PAWR: variants seen among roughly 807,000 people sequenced by gnomAD.
PAWR encodes the protein pro-apoptotic WT1 regulator.
In PAWR, 23 loss-of-function variants were observed where a neutral mutation model predicts 32.0. The ratio of observed to expected loss-of-function variants is 0.72; its 90% confidence interval spans 0.52 to 1.02. The LOEUF (loss-of-function observed/expected upper bound fraction) is 1.02, where lower values mean the gene tolerates loss of function less well. Among genes scored for constraint, PAWR ranks in the 50% least tolerant of loss-of-function variants. The pLI is 0.00. For synonymous variants in PAWR, 226 were observed against 187.1 expected (o/e 1.21, Z -1.70); for missense variants, 457 against 437.7 (o/e 1.04, Z -0.39).
intron 2 of PAWR, among the ~76,000 whole-genome samples, chr12:79,644,653 TTTTTA>T (rs1284221883): frequency 6.6e-6 from 1 of 152,070 alleles, no homozygotes; most frequent in Non-Finnish European, 1.5e-5. Flanking sequence ...GCTTCCTGCT[TTTTTA>T]TTTTGTTAGC....
At chr12:79,653,041 A>T (rs375698394) in intron 2 of PAWR, among the ~76,000 whole-genome samples, 1 of 152,010 alleles carries the variant, frequency 6.6e-6, no homozygotes, top group African/African-American at 2.4e-5. Context: ...TTGTTTTTTT[A>T]TTTGTTTGTT....
chr12:79,644,042 A>C (rs1025918589), intron 2 of PAWR, among the ~76,000 whole-genome samples: 2 of 152,158 alleles, frequency 1.3e-5, no homozygotes, highest in Non-Finnish European at 2.9e-5. Context: ...ATCAAACATT[A>C]ACATACATCA....
At chr12:79,614,549 G>A (rs940104266) in intron 3 of PAWR, among the ~76,000 whole-genome samples, 6 of 152,156 alleles carry the variant, frequency 3.9e-5, no homozygotes, top group African/African-American at 1.4e-4. Flanking sequence ...CAAATAACTA[G>A]GCAGTCATGT....
chr12:79,683,317 A>G (rs1565706366), intron 2 of PAWR, among the ~76,000 whole-genome samples: 1 of 152,206 alleles, frequency 6.6e-6, no homozygotes, highest in Admixed American at 6.5e-5. Flanking sequence ...ATTTTATTTA[A>G]TTCATGTAAC....
chr12:79,660,822 GAT>G (rs1249947921), intron 2 of PAWR, among the ~76,000 whole-genome samples: 9 of 151,730 alleles, frequency 5.9e-5, no homozygotes, highest in African/African-American at 2.2e-4. Context: ...GAACTGAGCT[GAT>G]CCACCTGCCT....
chr12:79,606,642 C>A (rs1418791516), intron 4 of PAWR, among the ~76,000 whole-genome samples: 1 of 152,140 alleles, frequency 6.6e-6, no homozygotes, highest in Non-Finnish European at 1.5e-5. Context: ...CGAAAAAAAT[C>A]TAGTTACTGG....
At chr12:79,613,657 A>G in intron 3 of PAWR, 48 bp from the exon 4 acceptor site, 1 of 971,204 alleles carries the variant, frequency 1.0e-6, no homozygotes, top group Non-Finnish European at 1.6e-6. Context: ...GTATGTACAC[A>G]ATTACTTATT....
intron 2 of PAWR, among the ~76,000 whole-genome samples, chr12:79,627,711 A>C (rs930558056): frequency 2.6e-5 from 4 of 152,194 alleles, no homozygotes; most frequent in African/African-American, 2.4e-5. Flanking sequence ...GAGACAAAGA[A>C]GGCCAATACA....
At chr12:79,689,391 G>A (rs1878849518) in intron 2 of PAWR, among the ~76,000 whole-genome samples, 1 of 152,098 alleles carries the variant, frequency 6.6e-6, no homozygotes, top group Admixed American at 6.5e-5. Flanking sequence ...AACTGATCAA[G>A]CATAAACAGC....
intron 2 of PAWR, among the ~76,000 whole-genome samples, chr12:79,622,985 C>T (rs1486317189): frequency 6.6e-6 from 1 of 152,118 alleles, no homozygotes; most frequent in African/African-American, 2.4e-5. Flanking sequence ...CTTCTCACTC[C>T]ATAGCTTGGA....
chr12:79,690,959 G>C lies in PAWR; in HGVS notation c.-235C>G, dbSNP rs1276787523. On this transcript the variant is annotated 5_prime_UTR_variant, in exon 1 of 7. Transcript: ENST00000328827. The stretch of plus-strand genomic sequence containing the variant: ...CTGGCGCGCGCTCTTCCGCCGCGCG[G>C]AAAGTGCCGCGGCAAACTCGCGGTG... 2 of 143,988 alleles carry C rather than the reference G, an allele frequency of 1.4e-5. No homozygotes were observed. Among genetic ancestry groups the C allele is most frequent in the Non-Finnish European group, 3.0e-5 (2 of 65,928 alleles). 8.9% of individuals were successfully genotyped at this position (143,988 alleles called of 1,614,324 possible). A position where few individuals can be genotyped will look rare whatever the true frequency, so the allele number is the denominator to read the frequency against.
chr12:79,683,009 A>G (rs904145198), intron 2 of PAWR, among the ~76,000 whole-genome samples: 2 of 152,242 alleles, frequency 1.3e-5, no homozygotes, highest in African/African-American at 4.8e-5. Flanking sequence ...AAAATTAAAA[A>G]TGAGTGAAAG....
chr12:79,677,724 A>G (rs1044853056), intron 2 of PAWR, among the ~76,000 whole-genome samples: 4 of 152,174 alleles, frequency 2.6e-5, no homozygotes, highest in African/African-American at 9.7e-5. Flanking sequence ...TGGAGGGAGA[A>G]AACACTTGTA....
intron 6 of PAWR, 94 bp downstream of exon 6, chr12:79,594,235 G>A (rs367820915): frequency 1.7e-6 from 1 of 582,624 alleles, no homozygotes; most frequent in Non-Finnish European, 3.0e-6. Context: ...AGAACAAAGT[G>A]AATAATGCAA....
At chr12:79,638,787 TGG>T (rs1219029788) in intron 2 of PAWR, among the ~76,000 whole-genome samples, 10 of 72,994 alleles carry the variant, frequency 1.4e-4, no homozygotes, top group Non-Finnish European at 2.0e-4. Flanking sequence ...TCATTATATT[TGG>T]GGTGTGTGTG....
At chr12:79,645,359 T>C (rs1403964446) in intron 2 of PAWR, among the ~76,000 whole-genome samples, 1 of 152,066 alleles carries the variant, frequency 6.6e-6, no homozygotes, top group Non-Finnish European at 1.5e-5. Flanking sequence ...CCACTAAGAG[T>C]GTGATGAACA....
intron 4 of PAWR, among the ~76,000 whole-genome samples, chr12:79,598,425 A>T (rs1201637828): frequency 6.6e-6 from 1 of 152,122 alleles, no homozygotes; most frequent in Non-Finnish European, 1.5e-5. Context: ...ATTCATTTTT[A>T]AAAACTTTTG....
chr12:79,618,636 A>T (rs1457172293), intron 3 of PAWR, among the ~76,000 whole-genome samples: 1 of 152,072 alleles, frequency 6.6e-6, no homozygotes, highest in East Asian at 1.9e-4. Context: ...TACTTCTATG[A>T]GTTTGACTTT....
At position 79,668,581 on chromosome 12, in the gene PAWR, C is replaced by T. The variant is rs190511544; in HGVS notation, c.516+21148G>A. On this transcript the variant is annotated intron_variant, in intron 2 of 6. Transcript: ENST00000328827. ...AACTGTTCCACCTCAGATCATCAGA[C>T]ATTGGTTAGATTCTCATAAGGAGTG... Among the ~76,000 whole-genome samples, 7 of 152,274 alleles carry T rather than the reference C, an allele frequency of 4.6e-5. No individual in the cohort carries two copies. The East Asian group carries it at 1.4e-3, about 29-fold the overall frequency.
Sources: allele counts gnomAD v4.1 joint callset (sites outside exome capture counted in the v4.1 genomes callset), GRCh38; gene constraint gnomAD v4.1.1; transcripts MANE v1.5; gene names NCBI Gene and HGNC (gene_info 2026-07-23, HGNC 2026-07-21).